The following SCFD2 variants were observed in gnomAD, a reference collection of about 807,000 sequenced individuals.
The protein encoded by SCFD2 is sec1 family domain containing 2, also known as sec1 family domain-containing protein 2.
SCFD2 carries 54 observed loss-of-function variants against 58.9 expected under a neutral mutation model. The observed-to-expected ratio is 0.92, with a 90% CI of 0.74 to 1.15. The LOEUF (loss-of-function observed/expected upper bound fraction) is 1.15, where lower values mean the gene tolerates loss of function less well. SCFD2 is among the 50% of genes most tolerant of loss of function. The pLI is 0.00. For synonymous variants in SCFD2, 321 were observed against 335.9 expected (o/e 0.96, Z 0.49); for missense variants, 805 against 836.6 (o/e 0.96, Z 0.47).
chr4:52,890,776 C>A (rs1718861561), intron 7 of SCFD2, among the ~76,000 whole-genome samples: 1 of 152,138 alleles, frequency 6.6e-6, no homozygotes, highest in African/African-American at 2.4e-5. Flanking sequence ...GCAGAGGTTG[C>A]TGAGACCCCT....
At chr4:52,895,218 C>T (rs186154108) in intron 7 of SCFD2, among the ~76,000 whole-genome samples, 135 of 152,142 alleles carry the variant, frequency 8.9e-4, no homozygotes, top group African/African-American at 2.1e-3. Context: ...ATGTGCACAA[C>T]GTACAGGTTT....
intron 4 of SCFD2, among the ~76,000 whole-genome samples, chr4:53,165,495 T>G (rs903534883): frequency 2.0e-5 from 3 of 152,208 alleles, no homozygotes; most frequent in African/African-American, 7.2e-5. Context: ...TGCACTGACT[T>G]GCACGACCCT....
intron 5 of SCFD2, among the ~76,000 whole-genome samples, chr4:52,979,678 C>T (rs2109564555): frequency 6.6e-6 from 1 of 152,204 alleles, no homozygotes; most frequent in South Asian, 2.1e-4. Flanking sequence ...TATTTACACT[C>T]ATAAAAGGAT....
At chr4:53,034,305 G>A (rs1423174484) in intron 5 of SCFD2, among the ~76,000 whole-genome samples, 1 of 151,950 alleles carries the variant, frequency 6.6e-6, no homozygotes, top group African/African-American at 2.4e-5. Context: ...AATAAACTAG[G>A]TATTGATGGG....
intron 4 of SCFD2, among the ~76,000 whole-genome samples, chr4:53,152,057 C>T (rs976290847): frequency 1.3e-5 from 2 of 152,196 alleles, no homozygotes; most frequent in Admixed American, 6.5e-5. Context: ...CCAGGCCCCA[C>T]CTCCAACACT....
At chr4:52,936,008 T>G (rs1023828549) in intron 5 of SCFD2, among the ~76,000 whole-genome samples, 1 of 152,100 alleles carries the variant, frequency 6.6e-6, no homozygotes, top group East Asian at 1.9e-4. Flanking sequence ...CAGCTAATTT[T>G]GTATTTTTAG....
intron 5 of SCFD2, among the ~76,000 whole-genome samples, chr4:53,075,220 T>G (rs1723936357): frequency 6.6e-6 from 1 of 152,200 alleles, no homozygotes. Context: ...CCAACCTGTC[T>G]TCTGCAGCTT....
chr4:53,034,846 C>T (rs1439687592), intron 5 of SCFD2, among the ~76,000 whole-genome samples: 2 of 152,212 alleles, frequency 1.3e-5, no homozygotes, highest in African/African-American at 4.8e-5. Flanking sequence ...AATGTAAGAA[C>T]ATTCCATGCT....
intron 5 of SCFD2, among the ~76,000 whole-genome samples, chr4:53,114,275 AGG>A (rs1251705428): frequency 1.3e-5 from 2 of 152,144 alleles, no homozygotes; most frequent in Non-Finnish European, 2.9e-5. Context: ...TTAACATAAA[AGG>A]GGCTTTAGCA....
At chr4:53,235,051 C>A (rs1729554849) in intron 4 of SCFD2, among the ~76,000 whole-genome samples, 1 of 152,264 alleles carries the variant, frequency 6.6e-6, no homozygotes, top group African/African-American at 2.4e-5. Flanking sequence ...CTGCTCCTGC[C>A]ATTCTGGCTG....
intron 2 of SCFD2, among the ~76,000 whole-genome samples, chr4:53,351,424 T>C (rs1161657333): frequency 6.6e-6 from 1 of 152,248 alleles, no homozygotes; most frequent in Non-Finnish European, 1.5e-5. Context: ...CCATAGCAGA[T>C]ACATTAATCT....
chr4:53,039,373 C>T (rs540482631), intron 5 of SCFD2, among the ~76,000 whole-genome samples: 1 of 152,280 alleles, frequency 6.6e-6, no homozygotes, highest in African/African-American at 2.4e-5. Flanking sequence ...ATACCAATTT[C>T]ATTAGGTGAC....
intron 5 of SCFD2, among the ~76,000 whole-genome samples, chr4:52,979,070 G>GGGGGC (rs1553912518): frequency 3.3e-5 from 5 of 150,818 alleles, no homozygotes; most frequent in African/African-American, 1.2e-4. Flanking sequence ...TTTTTTGGGG[G>GGGGGC]GGGGAGTAGT....
chr4:53,045,219 A>G (rs569326591), intron 5 of SCFD2, among the ~76,000 whole-genome samples: 1 of 152,130 alleles, frequency 6.6e-6, no homozygotes, highest in Admixed American at 6.5e-5. Context: ...TTTTACTAAT[A>G]TTGTTGCTTT....
At chr4:53,105,184 C>T (rs1724952454) in intron 5 of SCFD2, among the ~76,000 whole-genome samples, 1 of 152,180 alleles carries the variant, frequency 6.6e-6, no homozygotes, top group Admixed American at 6.5e-5. Flanking sequence ...AGATTCTTCA[C>T]AACCTGCAGA....
chr4:52,919,801 T>C (rs1701582445), intron 6 of SCFD2, among the ~76,000 whole-genome samples: 1 of 152,220 alleles, frequency 6.6e-6, no homozygotes, highest in Non-Finnish European at 1.5e-5. Context: ...AGAATCTGGA[T>C]TGTGCTAGCT....
At chr4:53,332,357 T>C (rs1733508458) in intron 2 of SCFD2, among the ~76,000 whole-genome samples, 1 of 151,666 alleles carries the variant, frequency 6.6e-6, no homozygotes, top group Non-Finnish European at 1.5e-5. Context: ...AATAAAATAC[T>C]GGCAAAACGA....
intron 5 of SCFD2, among the ~76,000 whole-genome samples, chr4:52,944,148 A>G (rs960925668): frequency 6.6e-6 from 1 of 152,202 alleles, no homozygotes; most frequent in South Asian, 2.1e-4. Flanking sequence ...CTGGATTAAT[A>G]TAATTATATC....
intron 4 of SCFD2, among the ~76,000 whole-genome samples, chr4:53,244,146 G>A (rs1233206797): frequency 6.6e-6 from 1 of 152,054 alleles, no homozygotes; most frequent in Non-Finnish European, 1.5e-5. Flanking sequence ...AATTGTGGGA[G>A]ACTTCGACAC....
Sources: gnomAD v4.1 joint callset for allele counts (sites outside exome capture counted in the v4.1 genomes callset) on GRCh38, gnomAD v4.1.1 for gene constraint, MANE v1.5 for transcripts, NCBI Gene and HGNC (gene_info 2026-07-23, HGNC 2026-07-21) for gene names.